SORCS2: variants seen among roughly 807,000 people sequenced by gnomAD.
SORCS2 encodes the protein sortilin related VPS10 domain containing receptor 2.
In SORCS2, 100 loss-of-function variants were observed where a neutral mutation model predicts 141.6. The observed-to-expected ratio is 0.71, with a 90% CI of 0.60 to 0.83. SORCS2 has a LOEUF of 0.83. SORCS2 is among the 40% of genes least tolerant of loss of function. SORCS2 has a pLI of 0.00. For missense variants in SORCS2, 1,646 were observed against 1,560.2 expected (o/e 1.05, Z -0.93); for synonymous variants, 789 against 676.9 (o/e 1.17, Z -2.57).
intron 1 of SORCS2, among the ~76,000 whole-genome samples, chr4:7,341,229 G>A (rs2108989287): frequency 6.6e-6 from 1 of 152,340 alleles, no homozygotes; most frequent in East Asian, 1.9e-4. Flanking sequence ...GTGGGGAGCT[G>A]GTGAACCTTC....
At chr4:7,536,637 G>A (rs913794388) in intron 3 of SORCS2, among the ~76,000 whole-genome samples, 5 of 152,174 alleles carry the variant, frequency 3.3e-5, no homozygotes, top group African/African-American at 4.8e-5. Context: ...CAGAACTCAC[G>A]AGAGAAGGAT....
intron 1 of SORCS2, among the ~76,000 whole-genome samples, chr4:7,376,916 G>C (rs5026892): frequency 1.3e-5 from 2 of 149,356 alleles, no homozygotes; most frequent in African/African-American, 2.5e-5. Context: ...CCCAGCCCAC[G>C]GATGTTCCAG....
intron 1 of SORCS2, among the ~76,000 whole-genome samples, chr4:7,207,740 C>T (rs1308605551): frequency 6.6e-6 from 1 of 152,188 alleles, no homozygotes; most frequent in Non-Finnish European, 1.5e-5. Context: ...CTTCCCATTT[C>T]CTGAATAGTT....
intron 8 of SORCS2, among the ~76,000 whole-genome samples, chr4:7,673,474 A>T (rs1020989074): frequency 2.0e-5 from 3 of 152,220 alleles, no homozygotes; most frequent in Non-Finnish European, 4.4e-5. Context: ...GCAGTCATTA[A>T]AAGTGCTGTG....
intron 1 of SORCS2, among the ~76,000 whole-genome samples, chr4:7,304,987 G>A (rs1169980765): frequency 6.6e-6 from 1 of 152,032 alleles, no homozygotes; most frequent in Non-Finnish European, 1.5e-5. Context: ...CACCCTTGCT[G>A]TCGGCTCCAG....
At chr4:7,703,253 C>T (rs747860224) in intron 12 of SORCS2, 27 bp from the exon 13 acceptor site, 1 of 1,588,330 alleles carries the variant, frequency 6.3e-7, no homozygotes, top group Admixed American at 1.7e-5. Flanking sequence ...CAGGCCCTGC[C>T]CTCAGCCACA....
intron 5 of SORCS2, among the ~76,000 whole-genome samples, chr4:7,656,731 C>T (rs62290678): frequency 0.02 from 2,978 of 152,346 alleles, 44 homozygotes; most frequent in Non-Finnish European, 0.034. Flanking sequence ...GCCTTCCTCT[C>T]CATTCGCTCC....
At chr4:7,715,154 CACTT>C (rs1726103117) in intron 16 of SORCS2, 25 bp from the exon 17 acceptor site, 1 of 1,609,504 alleles carries the variant, frequency 6.2e-7, no homozygotes, top group Non-Finnish European at 8.5e-7. Context: ...CTGTGCCCGT[CACTT>C]ACCACTACTC....
At chr4:7,322,206 C>G (rs549813706) in intron 1 of SORCS2, among the ~76,000 whole-genome samples, 1 of 152,182 alleles carries the variant, frequency 6.6e-6, no homozygotes, top group African/African-American at 2.4e-5. Context: ...GCCTGGAGAC[C>G]CAGTGCTTGT....
intron 3 of SORCS2, among the ~76,000 whole-genome samples, chr4:7,552,464 G>A (rs1713785356): frequency 6.6e-6 from 1 of 152,200 alleles, no homozygotes; most frequent in African/African-American, 2.4e-5. Context: ...TGACAAAAAA[G>A]CACTGGCCCC....
chr4:7,668,346 C>T (rs971692095), intron 8 of SORCS2, among the ~76,000 whole-genome samples: 2 of 152,142 alleles, frequency 1.3e-5, no homozygotes, highest in African/African-American at 4.8e-5. Context: ...CTATGGAGGC[C>T]CCTCTGGGGC....
intron 3 of SORCS2, among the ~76,000 whole-genome samples, chr4:7,542,045 A>G (rs781405096): frequency 3.3e-5 from 5 of 152,256 alleles, no homozygotes; most frequent in South Asian, 2.1e-4. Context: ...GGGCAAGGCA[A>G]TTGCCCAGCA....
In SORCS2 at chr4:7,193,192, C is replaced by A; in HGVS notation, c.480+66C>A. On this transcript the variant is annotated intron_variant, in intron 1 of 26. Coordinates refer to ENST00000507866, the MANE Select transcript of SORCS2 (RefSeq NM_020777.3). The surrounding 1 kb of genome is among the most constrained non-coding windows in gnomAD (Gnocchi z 4.8). ...ACACCGCGGGACACCCGGGCGGGAC[C>A]GCCACGGCCCCCACCCCAGATCCCC... 2.2e-6 allele frequency: 3 copies of A among 1,389,834 alleles called. No homozygotes were observed. Among genetic ancestry groups the A allele is most frequent in the South Asian group, 1.6e-5 (1 of 61,916 alleles). The allele number at this position is 1,389,834 out of a possible 1,614,324, so 86.1% of individuals were successfully genotyped here. A position where few individuals can be genotyped will look rare whatever the true frequency, so the allele number is the denominator to read the frequency against.
intron 2 of SORCS2, among the ~76,000 whole-genome samples, chr4:7,412,806 C>A (rs1009507617): frequency 6.6e-6 from 1 of 152,084 alleles, no homozygotes; most frequent in African/African-American, 2.4e-5. Context: ...CCTTTTGGAT[C>A]CCTCCTCCCA....
At chr4:7,214,515 G>A (rs769403652) in intron 1 of SORCS2, among the ~76,000 whole-genome samples, 12 of 152,324 alleles carry the variant, frequency 7.9e-5, no homozygotes, top group South Asian at 2.1e-4. Flanking sequence ...TACAGAAAGA[G>A]GTCTAAGGCA....
chr4:7,424,384 G>T (rs890833245), intron 2 of SORCS2, among the ~76,000 whole-genome samples: 1 of 152,228 alleles, frequency 6.6e-6, no homozygotes, highest in African/African-American at 2.4e-5. Flanking sequence ...CCTGAGCTGT[G>T]TGTGACCGTG....
At chr4:7,196,644 C>T (rs947950426) in intron 1 of SORCS2, among the ~76,000 whole-genome samples, 26 of 141,578 alleles carry the variant, frequency 1.8e-4, no homozygotes, top group Admixed American at 1.6e-3. Flanking sequence ...CCTTCCCTCT[C>T]CCTCCCCTCC....
intron 3 of SORCS2, among the ~76,000 whole-genome samples, chr4:7,563,284 T>A (rs772206325): frequency 1.3e-5 from 2 of 152,152 alleles, no homozygotes; most frequent in African/African-American, 2.4e-5. Context: ...CCAGGGACTG[T>A]TCTTGGTCTT....
chr4:7,605,661 C>G (rs1718010439), intron 3 of SORCS2, among the ~76,000 whole-genome samples: 1 of 152,176 alleles, frequency 6.6e-6, no homozygotes, highest in African/African-American at 2.4e-5. Flanking sequence ...TGCCATATTG[C>G]CAGAAAGAGG....
Sources: allele counts gnomAD v4.1 joint callset (sites outside exome capture counted in the v4.1 genomes callset), GRCh38; gene constraint gnomAD v4.1.1; non-coding constraint Gnocchi (gnomAD v3.1); transcripts MANE v1.5; gene names NCBI Gene and HGNC (gene_info 2026-07-23, HGNC 2026-07-21).